CAND1: variants seen among roughly 807,000 people sequenced by gnomAD.
The protein encoded by CAND1 is cullin-associated NEDD8-dissociated protein 1.
A neutral mutation model predicts 108.5 loss-of-function variants in CAND1; 7 were observed. The observed-to-expected ratio is 0.06, with a 90% CI of 0.04 to 0.12. The LOEUF (loss-of-function observed/expected upper bound fraction) is 0.12, where lower values mean the gene tolerates loss of function less well. Among genes scored for constraint, CAND1 ranks in the 10% least tolerant of loss-of-function variants. The pLI is 1.00. For synonymous variants in CAND1, 534 were observed against 512.0 expected (o/e 1.04, Z -0.58); for missense variants, 941 against 1,448.7 (o/e 0.65, Z 5.69).
chr12:67,284,959 T>G (rs1697233), intron 2 of CAND1, among the ~76,000 whole-genome samples: 1 of 151,948 alleles, frequency 6.6e-6, no homozygotes, highest in Non-Finnish European at 1.5e-5. Flanking sequence ...ATTGAAAAGT[T>G]TATGTGGGAG....
intron 7 of CAND1, 68 bp from the exon 8 acceptor site, chr12:67,302,255 A>G: frequency 7.2e-7 from 1 of 1,398,376 alleles, no homozygotes; most frequent in South Asian, 1.3e-5. Context: ...ATATCAATTG[A>G]TTTTCTGTTT....
intron 2 of CAND1, among the ~76,000 whole-genome samples, chr12:67,288,010 C>A (rs2044688443): frequency 1.3e-5 from 2 of 151,410 alleles, no homozygotes; most frequent in African/African-American, 4.9e-5. Flanking sequence ...TTGTGGTGTA[C>A]CACATGGTAG....
chr12:67,297,784 A>C lies in CAND1; in HGVS notation c.785A>C (p.Lys262Thr), dbSNP rs1324936232. 8.1e-6 allele frequency: 13 copies of C among 1,609,986 alleles called. No homozygotes were observed. Among genetic ancestry groups the C allele is most frequent in the Non-Finnish European group, 1.1e-5 (13 of 1,177,272 alleles). The stretch of plus-strand genomic sequence containing the variant: ...GAGAAGATAATTCCTTTGGTGGTAA[A>C]ATTTTGCAATGTAGATGATGATGAA... Reference protein sequence around the residue: ...YLEKIIPLVVKFCNVDDDELR... With the variant: ...YLEKIIPLVVTFCNVDDDELR... Residue 262 changes from lysine to threonine, a missense_variant, in exon 6 of 15, where the codon AAA (lysine) becomes ACA (threonine). Lys to Thr is a moderately conservative substitution (Grantham distance 78, BLOSUM62 -1). Around this residue, in one of 9 missense-constraint regions of CAND1, gnomAD observed 697 missense variants for 942.0 expected, o/e 0.74. Coordinates refer to ENST00000545606, the MANE Select transcript of CAND1 (RefSeq NM_018448.5).
chr12:67,281,484 A>G (rs2044619553), intron 1 of CAND1, among the ~76,000 whole-genome samples: 1 of 152,220 alleles, frequency 6.6e-6, no homozygotes, highest in African/African-American at 2.4e-5. Context: ...TTTTTGGTTA[A>G]GGGCTTCCTA....
intron 8 of CAND1, among the ~76,000 whole-genome samples, chr12:67,303,768 C>G (rs2044849394): frequency 6.6e-6 from 1 of 152,040 alleles, no homozygotes; most frequent in Non-Finnish European, 1.5e-5. Flanking sequence ...GAGCAGATGT[C>G]TTTTAATCAT....
intron 1 of CAND1, among the ~76,000 whole-genome samples, chr12:67,280,137 CT>C (rs1359894700): frequency 6.6e-6 from 1 of 152,072 alleles, no homozygotes; most frequent in African/African-American, 2.4e-5. Flanking sequence ...CTTAACTGAT[CT>C]TGTATTGCCC....
chr12:67,312,890 T>G lies in CAND1; in HGVS notation c.*60T>G. 9.3e-7 allele frequency: 1 copy of G among 1,077,770 alleles called. No homozygotes were observed. The highest frequency in any genetic ancestry group is 1.3e-6 in the Non-Finnish European group (1 of 741,676). The allele number at this position is 1,077,770 out of a possible 1,614,324, so 66.8% of individuals were successfully genotyped here. A position where few individuals can be genotyped will look rare whatever the true frequency, so the allele number is the denominator to read the frequency against. On this transcript the variant is annotated 3_prime_UTR_variant, in exon 15 of 15. Coordinates refer to ENST00000545606, the MANE Select transcript of CAND1 (RefSeq NM_018448.5). ...CATACAATGCACTGAATTGACAGGT[T>G]AATCATAAGACATGGAAAGAGAAGT...
chr12:67,295,165 G>A lies in CAND1; in HGVS notation c.491+9G>A. 2 of 1,605,854 alleles carry A rather than the reference G, an allele frequency of 1.2e-6. No homozygotes were observed. Among genetic ancestry groups the A allele is most frequent in the African/African-American group, 1.3e-5 (1 of 74,616 alleles). ...GCTGATATGTTGAGCAGGTAAGTGT[G>A]CCTGTTTATTTCCGTTACTCGTAAT... On this transcript the variant is annotated intron_variant, in intron 4 of 14. Transcript: ENST00000545606.
At chr12:67,276,042 C>CT (rs2044566280) in intron 1 of CAND1, among the ~76,000 whole-genome samples, 1 of 152,210 alleles carries the variant, frequency 6.6e-6, no homozygotes, top group African/African-American at 2.4e-5. Flanking sequence ...CTTCTCCCGT[C>CT]TGTCTTCTTT....
intron 2 of CAND1, among the ~76,000 whole-genome samples, chr12:67,291,677 G>C (rs953143915): frequency 1.3e-5 from 2 of 152,046 alleles, no homozygotes; most frequent in Non-Finnish European, 2.9e-5. Context: ...AGATAGGAAG[G>C]GAAAAAAATA....
chr12:67,306,920 A>T (rs1207356986), intron 10 of CAND1, among the ~76,000 whole-genome samples: 1 of 152,166 alleles, frequency 6.6e-6, no homozygotes, highest in Non-Finnish European at 1.5e-5. Context: ...TGTTGATACT[A>T]ATTACAATAA....
In CAND1 at chr12:67,273,000, T is replaced by A. The variant is rs116116897; in HGVS notation, c.68+3215T>A. 3.7e-3 allele frequency among the ~76,000 whole-genome samples: 569 copies of A among 152,180 alleles called. 3 individuals carry two copies. The highest frequency in any genetic ancestry group is 0.013 in the African/African-American group (539 of 41,506). Reference sequence around the variant, plus strand: ...CAGCACCGCATCCACCCATGCAGGGTTTTTTGTTTGTTTGTTTTAAAAAAA... The same window carrying A: ...CAGCACCGCATCCACCCATGCAGGGATTTTTGTTTGTTTGTTTTAAAAAAA... On this transcript the variant is annotated intron_variant, in intron 1 of 14. Coordinates refer to ENST00000545606, the MANE Select transcript of CAND1 (RefSeq NM_018448.5).
chr12:67,281,203 G>A lies in CAND1; in HGVS notation c.69-707G>A, dbSNP rs553162513. Among the ~76,000 whole-genome samples the A allele has an allele frequency of 5.9e-5, 9 of 151,710 alleles. No individual in the cohort carries two copies. The South Asian group carries it at 1.7e-3, about 28-fold the overall frequency. ...AAATTAGCTGGGCGTGGTGACAGGC[G>A]CCTGTAATCCCAACTACTTGAGAGG... On this transcript the variant is annotated intron_variant, in intron 1 of 14. Coordinates refer to ENST00000545606, the MANE Select transcript of CAND1 (RefSeq NM_018448.5).
Position 67,283,481 on chromosome 12 carries a change from G to A in CAND1, c.212+1428G>A, listed in dbSNP as rs2044638831. On this transcript the variant is annotated intron_variant, in intron 2 of 14. Coordinates refer to ENST00000545606, the MANE Select transcript of CAND1 (RefSeq NM_018448.5). ...GCCTGTAATCCCTGCTACTTGGGAG[G>A]CTGAGGCAGCAGAATCGCTTGAACC... is the stretch of plus-strand genomic sequence containing the variant. Among the ~76,000 whole-genome samples, 3 of 151,944 alleles carry A rather than the reference G, an allele frequency of 2.0e-5. No individual in the cohort carries two copies. In the South Asian group the frequency reaches 6.2e-4, roughly 31 times the overall value.
intron 1 of CAND1, among the ~76,000 whole-genome samples, chr12:67,277,653 T>C (rs1044227044): frequency 6.6e-6 from 1 of 152,162 alleles, no homozygotes; most frequent in African/African-American, 2.4e-5. Flanking sequence ...CAGCTGGGAA[T>C]GTATGTGTTG....
intron 2 of CAND1, among the ~76,000 whole-genome samples, chr12:67,287,828 A>G (rs1378765715): frequency 7.0e-6 from 1 of 142,080 alleles, no homozygotes; most frequent in Non-Finnish European, 1.5e-5. Context: ...TTCATTATTC[A>G]GTTTGAAATA....
chr12:67,315,936 AT>A lies in CAND1; in HGVS notation c.*3107del, dbSNP rs768790509. ...GCTCTAGTTAGTCACAAGACAAAGT[AT>A]ATAGTAACACTTTGTAATGAAGTAA... On this transcript the variant is annotated 3_prime_UTR_variant, in exon 15 of 15. Transcript: ENST00000545606. 14 of 152,246 alleles carry A rather than the reference AT, an allele frequency of 9.2e-5. No homozygotes were observed. Among genetic ancestry groups the A allele is most frequent in the Non-Finnish European group, 2.1e-4 (14 of 68,032 alleles). 9.4% of individuals were successfully genotyped at this position (152,246 alleles called of 1,614,324 possible).
chr12:67,300,215 T>C (rs1764280593), intron 7 of CAND1, among the ~76,000 whole-genome samples: 1 of 152,158 alleles, frequency 6.6e-6, no homozygotes, highest in Non-Finnish European at 1.5e-5. Flanking sequence ...CAGTCTTCGA[T>C]GCTGTTTCTT....
At chr12:67,302,275 T>C (rs1381680359) in intron 7 of CAND1, 48 bp from the exon 8 acceptor site, 4 of 1,500,706 alleles carry the variant, frequency 2.7e-6, no homozygotes, top group South Asian at 1.2e-5. Flanking sequence ...TTAAATGATA[T>C]ACTTCTCTTG....
Sources: allele counts gnomAD v4.1 joint callset (sites outside exome capture counted in the v4.1 genomes callset), GRCh38; gene constraint gnomAD v4.1.1; regional missense constraint gnomAD v4.1.1; transcripts MANE v1.5; gene names NCBI Gene and HGNC (gene_info 2026-07-23, HGNC 2026-07-21).